Variants in TMEM165 observed in about 807,000 individuals in gnomAD.
TMEM165 encodes putative divalent cation/proton antiporter TMEM165.
TMEM165 carries 19 observed loss-of-function variants against 30.0 expected under a neutral mutation model. That is an observed-to-expected ratio of 0.63 (90% CI 0.44 to 0.93). TMEM165 has a LOEUF of 0.93. TMEM165 is among the 40% of genes least tolerant of loss of function. The pLI is 0.00. For missense variants in TMEM165, 340 were observed against 417.0 expected, an observed-to-expected ratio of 0.82 and a Z score of 1.61; for synonymous variants, 168 against 162.9, an observed-to-expected ratio of 1.03 and a Z score of -0.24.
chr4:55,443,562 A>G, intron 3 of TMEM165: 1 of 778,434 alleles, frequency 1.3e-6, no homozygotes, highest in Non-Finnish European at 2.2e-6. Flanking sequence ...TCTCAATACT[A>G]TACTTTCTAA....
chr4:55,438,642 C>T, intron 3 of TMEM165: 1 of 1,546,150 alleles, frequency 6.5e-7, no homozygotes, highest in Non-Finnish European at 8.8e-7. Context: ...AATGACATTG[C>T]CAGTTTGTTT....
At chr4:55,402,891 A>G (rs1721089903) in intron 1 of TMEM165, among the ~76,000 whole-genome samples, 2 of 137,112 alleles carry the variant, frequency 1.5e-5, no homozygotes, top group African/African-American at 2.8e-5. Context: ...TCCCGGGTTC[A>G]CGCCATTCTC....
chr4:55,425,144 G>A (rs1722141161), intron 5 of TMEM165, among the ~76,000 whole-genome samples: 1 of 152,146 alleles, frequency 6.6e-6, no homozygotes, highest in African/African-American at 2.4e-5. Context: ...ATACAATCCT[G>A]TCATTTCTCA....
chr4:55,453,172 C>G (rs201598051), exon 4 of TMEM165: 2 of 1,461,636 alleles, frequency 1.4e-6, no homozygotes, highest in Non-Finnish European at 1.9e-6. Context: ...TCTGGTCATT[C>G]GTTTAAAATA....
At position 55,420,141 on chromosome 4, in the gene TMEM165, ATTTATTT is replaced by A. The variant is rs1308405489; in HGVS notation, c.792+2158_792+2164del. 5.7e-4 allele frequency among the ~76,000 whole-genome samples: 29 copies of A among 50,748 alleles called. 1 individual carries two copies. The highest frequency in any genetic ancestry group is 3.4e-3 in the South Asian group (3 of 884). 33.3% of individuals were successfully genotyped at this position (50,748 alleles called of 152,430 possible). On this transcript the variant is annotated intron_variant, in intron 4 of 5. Transcript: ENST00000381334. ...TATATACATATATATTTATTTATTTATTTATTTTATTTATTTATTTAATGGCTGTACC... is the reference window on the plus strand; with the variant it reads ...TATATACATATATATTTATTTATTTATATTTATTTATTTAATGGCTGTACC...
intron 1 of TMEM165, among the ~76,000 whole-genome samples, chr4:55,400,280 ATT>A (rs1560385905): frequency 8.1e-5 from 8 of 98,398 alleles, no homozygotes; most frequent in East Asian, 6.6e-4. Context: ...ATAATATAAT[ATT>A]ATATATTATA....
intron 1 of TMEM165, among the ~76,000 whole-genome samples, chr4:55,396,945 C>A (rs191546505): frequency 2.8e-4 from 43 of 152,288 alleles, no homozygotes; most frequent in Admixed American, 1.7e-3. Context: ...GAATTAGTCT[C>A]CGGCAGTACA....
chr4:55,431,143 G>A (rs1722474428), downstream of TMEM165: 1 of 152,122 alleles, frequency 6.6e-6, no homozygotes, highest in South Asian at 2.1e-4. Flanking sequence ...TTTAGACTGT[G>A]GTATGTTGTT....
At chr4:55,416,755 C>T (rs1408375613) in intron 2 of TMEM165, among the ~76,000 whole-genome samples, 1 of 152,146 alleles carries the variant, frequency 6.6e-6, no homozygotes, top group African/African-American at 2.4e-5. Flanking sequence ...CCTTGCACAA[C>T]ATAAGGCAAG....
chr4:55,453,159 G>C, exon 4 of TMEM165: 1 of 1,560,846 alleles, frequency 6.4e-7, no homozygotes, highest in South Asian at 1.1e-5. Flanking sequence ...TCAAATTTTA[G>C]TGTCTGGTCA....
At chr4:55,448,593 CACGCGCGCGTGTGTGTGTGTGTGTGT>C (rs1161677417) in intron 3 of TMEM165, among the ~76,000 whole-genome samples, 4 of 64,894 alleles carry the variant, frequency 6.2e-5, no homozygotes, top group African/African-American at 2.1e-4. Flanking sequence ...TGCGCGCGCG[CACGCGCGCGTGTGTGTGTGTGTGTGT>C]GTGTGTGTGT....
intron 1 of TMEM165, chr4:55,399,394 T>C (rs1269689806): frequency 1.3e-5 from 2 of 152,248 alleles, no homozygotes; most frequent in Non-Finnish European, 2.9e-5. Context: ...ACTTCAGTAA[T>C]TGAACTGAAA....
chr4:55,409,744 C>T (rs1240981361), intron 1 of TMEM165, among the ~76,000 whole-genome samples: 1 of 152,124 alleles, frequency 6.6e-6, no homozygotes, highest in Non-Finnish European at 1.5e-5. Context: ...GTGGTGGTTC[C>T]CTTCTCTGGA....
At chr4:55,432,713 TCTTCCA>T (rs1722603467) in intron 3 of TMEM165, 1 of 152,144 alleles carries the variant, frequency 6.6e-6, no homozygotes, top group African/African-American at 2.4e-5. Context: ...GCTTACTACC[TCTTCCA>T]CTACTACGCT....
intron 3 of TMEM165, among the ~76,000 whole-genome samples, chr4:55,440,240 G>A (rs192594898): frequency 6.6e-6 from 1 of 152,232 alleles, no homozygotes; most frequent in African/African-American, 2.4e-5. Flanking sequence ...CATTCTAACA[G>A]TGAATAAAAA....
At chr4:55,449,541 T>A (rs770681108) in intron 3 of TMEM165, 2 of 1,472,634 alleles carry the variant, frequency 1.4e-6, no homozygotes, top group South Asian at 2.3e-5. Flanking sequence ...TTATAAAATA[T>A]AGTTTTTAAA....
chr4:55,411,347 C>G (rs763895512), intron 1 of TMEM165, among the ~76,000 whole-genome samples: 1 of 152,086 alleles, frequency 6.6e-6, no homozygotes, highest in Non-Finnish European at 1.5e-5. Context: ...TAGGGGTACT[C>G]AGCTATGATA....
At chr4:55,398,329 G>A (rs1267411111) in intron 1 of TMEM165, among the ~76,000 whole-genome samples, 1 of 152,042 alleles carries the variant, frequency 6.6e-6, no homozygotes, top group African/African-American at 2.4e-5. Flanking sequence ...TGAAGATTCT[G>A]GGAGCCGATT....
At chr4:55,449,999 A>T in intron 3 of TMEM165, 1 of 1,446,170 alleles carries the variant, frequency 6.9e-7, no homozygotes, top group Non-Finnish European at 9.6e-7. Flanking sequence ...TTATAATTTT[A>T]AAGAAGCGTT....
Sources: gnomAD v4.1 joint callset for allele counts (sites outside exome capture counted in the v4.1 genomes callset) on GRCh38, gnomAD v4.1.1 for gene constraint, MANE v1.5 for transcripts, NCBI Gene and HGNC (gene_info 2026-07-23, HGNC 2026-07-21) for gene names.